Variants in KRT86 observed in about 807,000 individuals in gnomAD.
KRT86 encodes the protein keratin, type II cuticular Hb6.
Under a neutral mutation model 41.2 loss-of-function variants are expected in KRT86, and 30 were observed. The ratio of observed to expected loss-of-function variants is 0.73; its 90% CI spans 0.54 to 0.99. The LOEUF is 0.99. Among genes scored for constraint, KRT86 ranks in the 50% least tolerant of loss-of-function variants. The pLI, the probability that KRT86 is intolerant of heterozygous loss-of-function variation, is 0.00. For synonymous variants in KRT86, 238 were observed against 238.1 expected (o/e 1.00, Z 0.00); for missense variants, 561 against 571.4 (o/e 0.98, Z 0.19).
chr12:52,283,531 T>C (rs1937833172), intron 2 of KRT86, among the ~76,000 whole-genome samples: 2 of 129,984 alleles, frequency 1.5e-5, no homozygotes, highest in Non-Finnish European at 1.6e-5. Context: ...CAGGCTGGAA[T>C]GCAATGGCGC....
At chr12:52,286,725 T>C (rs1937953180) in intron 2 of KRT86, 3 of 1,537,714 alleles carry the variant, frequency 2.0e-6, no homozygotes, top group African/African-American at 1.4e-5. Context: ...ACACTCCTTT[T>C]TCCAAACTCT....
chr12:52,287,747 G>C lies in KRT86; in HGVS notation c.-5+11801G>C, dbSNP rs756956922. Reference sequence around the variant, plus strand: ...CTGGGGGAAGTAGAGATGCTCATGAGGTTCAGGGTGGGACCTCCCATCCAT... The same window carrying C: ...CTGGGGGAAGTAGAGATGCTCATGACGTTCAGGGTGGGACCTCCCATCCAT... On this transcript the variant is annotated intron_variant, in intron 2 of 10. Transcript: ENST00000423955. The C allele has an allele frequency of 1.9e-6, 3 of 1,614,032 alleles. No homozygotes were observed. In the South Asian group the frequency reaches 3.3e-5, roughly 18 times the overall value.
At chr12:52,293,574 C>G (rs910761734) in intron 2 of KRT86, among the ~76,000 whole-genome samples, 2 of 152,062 alleles carry the variant, frequency 1.3e-5, no homozygotes, top group African/African-American at 4.8e-5. Flanking sequence ...CATTTAGGGA[C>G]ACACGGCGAT....
intron 2 of KRT86, chr12:52,291,649 C>T (rs12809407): frequency 1.1e-5 from 9 of 845,264 alleles, no homozygotes; most frequent in Non-Finnish European, 1.4e-5. Context: ...CCGGGTCTAA[C>T]GCCTCTCCAG....
chr12:52,301,770 A>G, intron 2 of KRT86, 143 bp from the exon 3 acceptor site: 1 of 1,557,570 alleles, frequency 6.4e-7, no homozygotes, highest in Non-Finnish European at 8.8e-7. Context: ...AAGCCTTCTA[A>G]TTGCTCCGAC....
intron 2 of KRT86, chr12:52,286,509 G>A (rs368288509): frequency 4.5e-6 from 7 of 1,550,916 alleles, no homozygotes; most frequent in Non-Finnish European, 5.2e-6. Context: ...AACCCCGAAG[G>A]CTGAGTCAAA....
At chr12:52,299,543 A>G (rs1360767711) in intron 2 of KRT86, among the ~76,000 whole-genome samples, 2 of 152,208 alleles carry the variant, frequency 1.3e-5, no homozygotes, top group African/African-American at 4.8e-5. Context: ...TAGTGGCTGT[A>G]GTAACTTACA....
intron 2 of KRT86, among the ~76,000 whole-genome samples, chr12:52,292,574 C>G (rs1565743646): frequency 6.6e-6 from 1 of 152,168 alleles, no homozygotes; most frequent in East Asian, 1.9e-4. Context: ...TCTAGTTATT[C>G]AGTTGCACTA....
intron 2 of KRT86, among the ~76,000 whole-genome samples, chr12:52,296,343 A>T (rs2121273820): frequency 6.6e-6 from 1 of 152,140 alleles, no homozygotes; most frequent in South Asian, 2.1e-4. Flanking sequence ...GAGGAGGAGG[A>T]GGTGGATGGG....
intron 2 of KRT86, among the ~76,000 whole-genome samples, chr12:52,301,519 A>G (rs966169906): frequency 3.4e-4 from 52 of 152,220 alleles, no homozygotes; most frequent in African/African-American, 1.1e-3. Context: ...GCAGGACAGA[A>G]AGAGCAGCAG....
At chr12:52,288,518 C>T (rs879007655) in intron 2 of KRT86, 2 of 1,584,298 alleles carry the variant, frequency 1.3e-6, no homozygotes, top group South Asian at 1.1e-5. Flanking sequence ...AGACTCCTCT[C>T]TCTGCCCATC....
At chr12:52,307,545 A>T (rs1381453580) in intron 9 of KRT86, among the ~76,000 whole-genome samples, 1 of 152,176 alleles carries the variant, frequency 6.6e-6, no homozygotes, top group Non-Finnish European at 1.5e-5. Flanking sequence ...TTGGGAGGGA[A>T]ATGTGGGGTG....
At position 52,308,405 on chromosome 12, in the gene KRT86, C is replaced by T. The variant is rs561311116; in HGVS notation, c.1281C>T (p.Cys427=). The part of the protein sequence containing the change: ...LCEGVGSVNV[C]VSSSRGGVVC... The stretch of plus-strand genomic sequence containing the variant: ...CGCCTCCGTCTCTTTCCCCTGCAGG[C>T]GTCAGCAGCTCCCGCGGTGGCGTTG... The change falls in exon 11 of 11, where the codon TGC becomes TGT. Residue 427 remains cysteine, a splice_region_variant and synonymous_variant. Coordinates refer to ENST00000423955, the MANE Select transcript of KRT86 (RefSeq NM_001320198.2). 3 of 1,611,498 alleles carry T rather than the reference C, an allele frequency of 1.9e-6. No individual in the cohort carries two copies. The highest frequency in any genetic ancestry group is 8.5e-7 in the Non-Finnish European group (1 of 1,179,454).
At chr12:52,288,025 T>G (rs1938013660) in intron 2 of KRT86, 12 of 1,614,104 alleles carry the variant, frequency 7.4e-6, no homozygotes, top group Non-Finnish European at 9.3e-6. Context: ...CGGCTGCGGG[T>G]GACAATGTCG....
chr12:52,284,095 G>T (rs1007696585), intron 2 of KRT86, among the ~76,000 whole-genome samples: 1 of 152,234 alleles, frequency 6.6e-6, no homozygotes, highest in African/African-American at 2.4e-5. Flanking sequence ...ATCAGGACTG[G>T]AGTTGTAGTT....
chr12:52,295,561 T>C (rs968011771), intron 2 of KRT86, among the ~76,000 whole-genome samples: 2 of 152,160 alleles, frequency 1.3e-5, no homozygotes, highest in African/African-American at 4.8e-5. Flanking sequence ...TGCAGGTTGC[T>C]CTCAGGGTTC....
intron 1 of KRT86, chr12:52,275,095 G>A (rs1287242099): frequency 1.3e-5 from 2 of 152,216 alleles, no homozygotes; most frequent in Non-Finnish European, 2.9e-5. Flanking sequence ...AAGACAATGG[G>A]AAAAGTCACA....
intron 2 of KRT86, among the ~76,000 whole-genome samples, chr12:52,297,275 A>G (rs1938272540): frequency 1.3e-5 from 2 of 152,226 alleles, no homozygotes; most frequent in African/African-American, 2.4e-5. Context: ...GACAGTATGT[A>G]TGAAAAGTAG....
In KRT86 at chr12:52,302,120, G is replaced by C. The variant is rs749564887; in HGVS notation, c.204G>C (p.Gly68=). Residue 68 remains glycine (G), a synonymous_variant, in exon 3 of 11, where the codon GGG becomes GGC. Transcript: ENST00000423955. ...GACGCAGCTTCGGCTACCGCTCCGGGGGCGTGTGCGGGCCCAGTCCCCCAT... is the reference window on the plus strand; with the variant it reads ...GACGCAGCTTCGGCTACCGCTCCGGCGGCGTGTGCGGGCCCAGTCCCCCAT... ...SCGRSFGYRS[G]GVCGPSPPCI... is the part of the protein sequence containing the mutation. The C allele has an allele frequency of 2.1e-5, 32 of 1,542,678 alleles. No homozygotes were observed. The East Asian group carries it at 7.0e-4, about 34-fold the overall frequency.
Sources: allele counts gnomAD v4.1 joint callset (sites outside exome capture counted in the v4.1 genomes callset), GRCh38; gene constraint gnomAD v4.1.1; transcripts MANE v1.5; gene names NCBI Gene and HGNC (gene_info 2026-07-23, HGNC 2026-07-21).